The following MPZL3 variants were observed in gnomAD, a reference collection of about 807,000 sequenced individuals.
MPZL3 encodes the protein myelin protein zero-like protein 3.
In MPZL3, 23 loss-of-function variants were observed where a neutral mutation model predicts 24.8. That is an observed-to-expected ratio of 0.93 (90% CI 0.67 to 1.31). The LOEUF is 1.31. Among genes scored for constraint, MPZL3 ranks in the 40% most tolerant of loss-of-function variants. MPZL3 has a pLI of 0.00. For synonymous variants in MPZL3, 99 were observed against 106.5 expected, an observed-to-expected ratio of 0.93 and a Z score of 0.44; for missense variants, 277 against 294.9, an observed-to-expected ratio of 0.94 and a Z score of 0.44.
chr11:118,241,298 T>C (rs940261523), intron 1 of MPZL3, among the ~76,000 whole-genome samples: 1 of 152,214 alleles, frequency 6.6e-6, no homozygotes, highest in Admixed American at 6.5e-5. Flanking sequence ...CTGGCCAAGA[T>C]AAACAGAGCA....
Position 118,227,183 on chromosome 11 carries a change from G to A in MPZL3, c.*2711C>T, listed in dbSNP as rs180827618. ...CACATTTTGTAATAGAATTAAGAGCGTAATGCATAAAACTTAAAGTCATGT... is the reference window on the plus strand; with the variant it reads ...CACATTTTGTAATAGAATTAAGAGCATAATGCATAAAACTTAAAGTCATGT... On this transcript the variant is annotated 3_prime_UTR_variant, in exon 6 of 6. Coordinates refer to ENST00000278949, the MANE Select transcript of MPZL3 (RefSeq NM_198275.3). The A allele has an allele frequency of 1.2e-4, 19 of 152,330 alleles. No individual in the cohort carries two copies. The highest frequency in any genetic ancestry group is 7.2e-4 in the Admixed American group (11 of 15,306). The allele number at this position is 152,330 out of a possible 1,614,324, so 9.4% of individuals were successfully genotyped here.
intron 1 of MPZL3, among the ~76,000 whole-genome samples, chr11:118,243,935 A>T (rs1565495558): frequency 6.6e-6 from 1 of 152,140 alleles, no homozygotes; most frequent in Non-Finnish European, 1.5e-5. Context: ...CTCCTTTCTA[A>T]GCCAAGTTTG....
At position 118,235,264 on chromosome 11, in the gene MPZL3, C is replaced by T. The variant is rs1006609325; in HGVS notation, c.617+160G>A. On this transcript the variant is annotated intron_variant, in intron 4 of 5. Transcript: ENST00000278949. ...AATATTCACACACATCACTTTCAAC[C>T]TTCCTTTTGGCGCCCCTTAGCAGAA... Among the ~76,000 whole-genome samples, 4 of 152,222 alleles carry T rather than the reference C, an allele frequency of 2.6e-5. No homozygotes were observed. The South Asian group carries it at 6.2e-4, about 24-fold the overall frequency.
At chr11:118,234,976 C>T (rs1387805973) in intron 4 of MPZL3, among the ~76,000 whole-genome samples, 7 of 152,068 alleles carry the variant, frequency 4.6e-5, no homozygotes, top group African/African-American at 1.7e-4. Flanking sequence ...AGAATATATG[C>T]GGACCAAGAA....
chr11:118,234,756 CAG>C (rs1591491189), intron 4 of MPZL3, among the ~76,000 whole-genome samples: 16 of 151,650 alleles, frequency 1.1e-4, no homozygotes, highest in East Asian at 5.8e-4. Context: ...CACACACACA[CAG>C]AGAGAGATTG....
chr11:118,242,587 T>C (rs1194787859), intron 1 of MPZL3, among the ~76,000 whole-genome samples: 1 of 152,194 alleles, frequency 6.6e-6, no homozygotes, highest in African/African-American at 2.4e-5. Flanking sequence ...TACTGTGTCC[T>C]TTCATGCCAC....
Position 118,252,272 on chromosome 11 carries a change from C to G in MPZL3, c.23G>C (p.Gly8Ala). MQQRGAA[G>A]SRGCALFPLL... is the part of the protein sequence containing the mutation. ...AGGGAAGAGAGCGCAGCCACGGCTTCCAGCTGCTCCTCTCTGCTGCATCCC... is the reference window on the plus strand; with the variant it reads ...AGGGAAGAGAGCGCAGCCACGGCTTGCAGCTGCTCCTCTCTGCTGCATCCC... Residue 8 changes from glycine to alanine, a missense_variant, in exon 1 of 6, where the codon GGA becomes GCA. Coordinates refer to ENST00000278949, the MANE Select transcript of MPZL3 (RefSeq NM_198275.3). 6.2e-7 allele frequency: 1 copy of G among 1,614,030 alleles called. No homozygotes were observed. Among genetic ancestry groups the G allele is most frequent in the Non-Finnish European group, 8.5e-7 (1 of 1,179,984 alleles).
At chr11:118,242,361 C>T (rs1055075728) in intron 1 of MPZL3, among the ~76,000 whole-genome samples, 11 of 152,138 alleles carry the variant, frequency 7.2e-5, no homozygotes, top group East Asian at 3.8e-4. Flanking sequence ...CAACATGAAA[C>T]GCTTGGCACA....
intron 4 of MPZL3, among the ~76,000 whole-genome samples, chr11:118,235,212 A>G (rs979471106): frequency 6.6e-6 from 1 of 152,214 alleles, no homozygotes; most frequent in Admixed American, 6.5e-5. Flanking sequence ...AGGACCATAT[A>G]TCAACTCCCC....
intron 1 of MPZL3, among the ~76,000 whole-genome samples, chr11:118,251,673 C>T (rs995125822): frequency 3.3e-5 from 5 of 152,116 alleles, no homozygotes; most frequent in African/African-American, 1.2e-4. Flanking sequence ...TATGAAAATG[C>T]TAAAGCAGTT....
In MPZL3 at chr11:118,233,494, A is replaced by G. The variant is rs563374267; in HGVS notation, c.647T>C (p.Met216Thr). The change falls in exon 5 of 6, where the codon ATG (methionine) becomes ACG (threonine). Residue 216 changes from methionine (M) to threonine (T), a missense_variant. Met to Thr is a moderately conservative substitution (Grantham distance 81, BLOSUM62 -1). Transcript: ENST00000278949. ...DTDQEEEEACMARLCVRCAEC... is the reference protein window; with the variant it reads ...DTDQEEEEACTARLCVRCAEC... The stretch of plus-strand genomic sequence containing the variant: ...AGCGCAACGGACACAAAGCCTCGCC[A>G]TACACGCCTCTTCCTCCTCCTGATC... 12 of 1,613,824 alleles carry G rather than the reference A, an allele frequency of 7.4e-6. No homozygotes were observed. The South Asian group carries it at 8.8e-5, about 12-fold the overall frequency.
rs869638 is a variant in MPZL3, at chr11:118,229,696, G to C, written c.*198C>G. 237,231 of 489,350 alleles carry C rather than the reference G, an allele frequency of 0.48. 61,176 individuals are homozygous for C. Among genetic ancestry groups the C allele is most frequent in the South Asian group, 0.7 (20,089 of 28,666 alleles). 30.3% of individuals were successfully genotyped at this position (489,350 alleles called of 1,614,324 possible). ...GGGAAGTCATGAGTCTCTTATGAGAGTTCCTGAACAGTTTATAAATACAAC... is the reference window on the plus strand; with the variant it reads ...GGGAAGTCATGAGTCTCTTATGAGACTTCCTGAACAGTTTATAAATACAAC... On this transcript the variant is annotated 3_prime_UTR_variant, in exon 6 of 6. Transcript: ENST00000278949.
At position 118,230,103 on chromosome 11, in the gene MPZL3, T is replaced by C. The variant is rs528888821; in HGVS notation, c.682-183A>G. ...AGGACCTCAATATAATTGGTGTCTATTGGGCTAATTTCTGCTTTGAAGCCC... is the reference window on the plus strand; with the variant it reads ...AGGACCTCAATATAATTGGTGTCTACTGGGCTAATTTCTGCTTTGAAGCCC... On this transcript the variant is annotated intron_variant, in intron 5 of 5. Coordinates refer to ENST00000278949, the MANE Select transcript of MPZL3 (RefSeq NM_198275.3). Among the ~76,000 whole-genome samples the C allele has an allele frequency of 5.3e-5, 8 of 152,344 alleles. No individual in the cohort carries two copies. In the East Asian group the frequency reaches 1.5e-3, roughly 29 times the overall value.
Position 118,240,195 on chromosome 11 carries a change from A to G in MPZL3, c.240+16T>C, listed in dbSNP as rs1198379844. ...ACTGTTGACCAAAGGAACATTCCGAAAAAGTACACACTTACTGATACTGTG... is the reference window on the plus strand; with the variant it reads ...ACTGTTGACCAAAGGAACATTCCGAGAAAGTACACACTTACTGATACTGTG... On this transcript the variant is annotated intron_variant, in intron 2 of 5. Transcript: ENST00000278949. 2 of 1,513,578 alleles carry G rather than the reference A, an allele frequency of 1.3e-6. No individual in the cohort carries two copies. The highest frequency in any genetic ancestry group is 5.3e-5 in the Admixed American group (2 of 37,496). The allele number at this position is 1,513,578 out of a possible 1,614,324, so 93.8% of individuals were successfully genotyped here. A position where few individuals can be genotyped will look rare whatever the true frequency, so the allele number is the denominator to read the frequency against.
chr11:118,237,857 C>T (rs542216308), intron 2 of MPZL3, among the ~76,000 whole-genome samples: 2 of 152,266 alleles, frequency 1.3e-5, no homozygotes, highest in South Asian at 2.1e-4. Context: ...GGGAAACAGG[C>T]TGGTCATGGT....
intron 2 of MPZL3, among the ~76,000 whole-genome samples, chr11:118,239,450 A>G (rs2134704897): frequency 6.6e-6 from 1 of 152,342 alleles, no homozygotes; most frequent in African/African-American, 2.4e-5. Flanking sequence ...AAAAAATACA[A>G]TCTTCCATAC....
Position 118,229,691 on chromosome 11 carries a change from T to TA in MPZL3, c.*202_*203insT. ...GAAAGGGGAAGTCATGAGTCTCTTA[T>TA]GAGAGTTCCTGAACAGTTTATAAAT... On this transcript the variant is annotated 3_prime_UTR_variant, in exon 6 of 6. Coordinates refer to ENST00000278949, the MANE Select transcript of MPZL3 (RefSeq NM_198275.3). 2.1e-6 allele frequency: 1 copy of TA among 467,004 alleles called. No homozygotes were observed. The highest frequency in any genetic ancestry group is 3.8e-6 in the Non-Finnish European group (1 of 263,462). The allele number at this position is 467,004 out of a possible 1,614,324, so 28.9% of individuals were successfully genotyped here.
At chr11:118,234,153 A>G (rs1049403118) in intron 4 of MPZL3, among the ~76,000 whole-genome samples, 1 of 152,242 alleles carries the variant, frequency 6.6e-6, no homozygotes, top group Non-Finnish European at 1.5e-5. Flanking sequence ...AAGTGTACTG[A>G]GCACTGACAA....
At chr11:118,233,422 G>A (rs1471317997) in intron 5 of MPZL3, 38 bp downstream of exon 5, 3 of 1,610,744 alleles carry the variant, frequency 1.9e-6, no homozygotes, top group East Asian at 2.2e-5. Context: ...AGGAAAGTGG[G>A]ACATCAACAG....
Sources: gnomAD v4.1 joint callset for allele counts (sites outside exome capture counted in the v4.1 genomes callset) on GRCh38, gnomAD v4.1.1 for gene constraint, MANE v1.5 for transcripts, NCBI Gene and HGNC (gene_info 2026-07-23, HGNC 2026-07-21) for gene names.